Variants in TTC6 observed in about 807,000 individuals in gnomAD.
TTC6 encodes tetratricopeptide repeat domain 6.
In TTC6, 172 loss-of-function variants were observed where a neutral mutation model predicts 210.4. The ratio of observed to expected loss-of-function variants is 0.82; its 90% CI spans 0.72 to 0.93. TTC6 has a LOEUF of 0.93. Ranked by LOEUF, TTC6 falls within the 40% of genes least tolerant of loss-of-function variation. The probability of loss-of-function intolerance (pLI) is 0.00; values close to 1 mark genes in which losing one functional copy is unlikely to be tolerated. For missense variants in TTC6, 2,414 were observed against 2,318.1 expected (o/e 1.04, Z -0.85); for synonymous variants, 804 against 819.6 (o/e 0.98, Z 0.32).
chr14:37,726,416 G>A (rs1427472598), intron 7 of TTC6, among the ~76,000 whole-genome samples: 3 of 152,112 alleles, frequency 2.0e-5, no homozygotes, highest in Non-Finnish European at 4.4e-5. Context: ...TTGATACTAC[G>A]TGTTTAGAAT....
chr14:37,783,308 G>C (rs528014109), intron 14 of TTC6, among the ~76,000 whole-genome samples: 1 of 152,040 alleles, frequency 6.6e-6, no homozygotes, highest in Non-Finnish European at 1.5e-5. Flanking sequence ...CAATTTCAGA[G>C]CCTGTTATTG....
At chr14:37,717,579 A>G (rs2095854771) in intron 6 of TTC6, among the ~76,000 whole-genome samples, 1 of 152,136 alleles carries the variant, frequency 6.6e-6, no homozygotes, top group African/African-American at 2.4e-5. Context: ...CCTTCTCCCA[A>G]ATATGTAAGC....
chr14:37,655,244 G>A (rs1333679027), intron 1 of TTC6, among the ~76,000 whole-genome samples: 1 of 152,020 alleles, frequency 6.6e-6, no homozygotes, highest in East Asian at 1.9e-4. Flanking sequence ...AACATAAATT[G>A]ATAAATATAT....
At chr14:37,618,191 C>T (rs2095645776), upstream of TTC6, among the ~76,000 whole-genome samples, 1 of 152,180 alleles carries the variant, frequency 6.6e-6, no homozygotes, top group African/African-American at 2.4e-5. Flanking sequence ...GAGTAACCTG[C>T]AATGGTCTAG....
At chr14:37,601,627 G>T (rs946238050) in intron 1 of TTC6, among the ~76,000 whole-genome samples, 1 of 152,220 alleles carries the variant, frequency 6.6e-6, no homozygotes, top group Non-Finnish European at 1.5e-5. Context: ...CCCTGGCACA[G>T]CGAACAGGGT....
In TTC6 at chr14:37,745,650, G is replaced by T. The variant is rs185569741; in HGVS notation, c.2364-3289G>T. 2.0e-3 allele frequency among the ~76,000 whole-genome samples: 306 copies of T among 152,302 alleles called. 1 individual carries two copies. Among genetic ancestry groups the T allele is most frequent in the Non-Finnish European group, 1.2e-3 (82 of 68,016 alleles). ...AATGGTCTCAGGCCAAGATTCACTT[G>T]ACTTTCATAATTCTTTAATTTGATT... On this transcript the variant is annotated intron_variant, in intron 10 of 30. Transcript: ENST00000553443.
chr14:37,688,322 C>T (rs530591050), intron 3 of TTC6, among the ~76,000 whole-genome samples: 2 of 152,226 alleles, frequency 1.3e-5, no homozygotes, highest in South Asian at 2.1e-4. Context: ...TGACTCTAGT[C>T]CCTGGCTCCT....
intron 1 of TTC6, among the ~76,000 whole-genome samples, chr14:37,645,670 A>G (rs1370151757): frequency 6.6e-6 from 1 of 152,198 alleles, no homozygotes; most frequent in African/African-American, 2.4e-5. Flanking sequence ...CATTCCAGGC[A>G]GAGGGAGGAG....
At chr14:37,667,991 C>G (rs537926548) in intron 1 of TTC6, among the ~76,000 whole-genome samples, 20 of 149,996 alleles carry the variant, frequency 1.3e-4, no homozygotes, top group African/African-American at 4.9e-4. Flanking sequence ...AAAAATTAGC[C>G]GGGCATGATG....
At chr14:37,705,375 C>T (rs1220397195) in intron 5 of TTC6, among the ~76,000 whole-genome samples, 1 of 151,906 alleles carries the variant, frequency 6.6e-6, no homozygotes, top group African/African-American at 2.4e-5. Flanking sequence ...AACAAATATG[C>T]AAAAACATGC....
chr14:37,714,901 G>A, intron 6 of TTC6, 105 bp downstream of exon 8: 1 of 1,092,716 alleles, frequency 9.2e-7, no homozygotes. Flanking sequence ...GGGCTGGCCA[G>A]GTGTGGTAGC....
intron 1 of TTC6, among the ~76,000 whole-genome samples, chr14:37,631,060 A>G (rs1412614955): frequency 6.7e-6 from 1 of 150,290 alleles, no homozygotes; most frequent in African/African-American, 2.5e-5. Flanking sequence ...TTGACTTTTT[A>G]TTCACTTTGT....
intron 7 of TTC6, among the ~76,000 whole-genome samples, chr14:37,734,836 T>C (rs1179420490): frequency 6.6e-6 from 1 of 152,184 alleles, no homozygotes; most frequent in Non-Finnish European, 1.5e-5. Flanking sequence ...TAAGCAACCA[T>C]TGATTGTTAA....
chr14:37,739,477 G>A (rs187462717), intron 10 of TTC6, among the ~76,000 whole-genome samples: 21 of 151,016 alleles, frequency 1.4e-4, no homozygotes, highest in African/African-American at 4.9e-4. Context: ...TCAGGAGGCT[G>A]AGAAGAGGTT....
intron 14 of TTC6, among the ~76,000 whole-genome samples, chr14:37,774,274 T>A (rs2096030183): frequency 6.6e-6 from 1 of 152,142 alleles, no homozygotes; most frequent in Admixed American, 6.6e-5. Context: ...CTGATTACTG[T>A]GGCCAGGACT....
At chr14:37,696,821 A>T in exon 4 of TTC6, 7 of 1,358,838 alleles carry the variant, frequency 5.2e-6, no homozygotes, top group Non-Finnish European at 5.7e-6. Flanking sequence ...TTTGTGATAA[A>T]AAACTACATA....
At chr14:37,639,592 T>C (rs549853511) in intron 1 of TTC6, among the ~76,000 whole-genome samples, 105 of 151,712 alleles carry the variant, frequency 6.9e-4, no homozygotes, top group African/African-American at 2.3e-3. Context: ...GGAAAGTGAC[T>C]GGGTGCGGTG....
At chr14:37,834,761 C>G (rs2096193937) in intron 29 of TTC6, among the ~76,000 whole-genome samples, 1 of 152,066 alleles carries the variant, frequency 6.6e-6, no homozygotes, top group Non-Finnish European at 1.5e-5. Context: ...TTCTTGTGTC[C>G]TTACATTGAT....
exon 28 of TTC6, chr14:37,826,221 G>T (rs2096171031): frequency 3.7e-6 from 6 of 1,601,772 alleles, no homozygotes; most frequent in Non-Finnish European, 4.3e-6. Flanking sequence ...AGAAAGCTTG[G>T]AACCACTTTA....
Sources: gnomAD v4.1 joint callset for allele counts (sites outside exome capture counted in the v4.1 genomes callset) on GRCh38, gnomAD v4.1.1 for gene constraint, MANE v1.5 for transcripts, NCBI Gene and HGNC (gene_info 2026-07-23, HGNC 2026-07-21) for gene names.